THSD7B: variants seen among roughly 807,000 people sequenced by gnomAD.
THSD7B encodes thrombospondin type-1 domain-containing protein 7B.
In THSD7B, 138 loss-of-function variants were observed where a neutral mutation model predicts 213.6. The ratio of observed to expected loss-of-function variants is 0.65; its 90% CI spans 0.56 to 0.74. THSD7B has a LOEUF of 0.74. Ranked by LOEUF, THSD7B falls within the 30% of genes least tolerant of loss-of-function variation. The pLI is 0.00. For synonymous variants in THSD7B, 742 were observed against 687.0 expected (o/e 1.08, Z -1.25); for missense variants, 1,931 against 1,991.5 (o/e 0.97, Z 0.58).
intron 2 of THSD7B, among the ~76,000 whole-genome samples, chr2:136,978,731 CTT>C (rs1685527890): frequency 6.6e-6 from 1 of 152,244 alleles, no homozygotes; most frequent in Middle Eastern, 3.4e-3. Flanking sequence ...GGTCTTGACT[CTT>C]TATCCAGCTT....
chr2:136,973,928 ACCT>A (rs1298711918), intron 2 of THSD7B, among the ~76,000 whole-genome samples: 1 of 152,168 alleles, frequency 6.6e-6, no homozygotes, highest in Non-Finnish European at 1.5e-5. Flanking sequence ...GCATTGTGTA[ACCT>A]CCTATCTTGA....
At chr2:137,159,883 A>C (rs1237419258) in intron 5 of THSD7B, among the ~76,000 whole-genome samples, 1 of 152,124 alleles carries the variant, frequency 6.6e-6, no homozygotes, top group African/African-American at 2.4e-5. Context: ...TTGAAACTTC[A>C]CAAAGCCATT....
intron 12 of THSD7B, among the ~76,000 whole-genome samples, chr2:137,329,058 G>T (rs994587936): frequency 6.6e-6 from 1 of 152,206 alleles, no homozygotes; most frequent in Non-Finnish European, 1.5e-5. Context: ...AAATGTGGAA[G>T]TAACTTTGGA....
intron 5 of THSD7B, among the ~76,000 whole-genome samples, chr2:137,158,335 C>T (rs796281639): frequency 6.6e-6 from 1 of 152,176 alleles, no homozygotes; most frequent in South Asian, 2.1e-4. Flanking sequence ...GTTCCCATTT[C>T]AAGCACAATC....
chr2:137,564,317 CTATT>C (rs2105225311), intron 16 of THSD7B, among the ~76,000 whole-genome samples: 2 of 152,278 alleles, frequency 1.3e-5, no homozygotes, highest in African/African-American at 4.8e-5. Flanking sequence ...TACATACTCA[CTATT>C]TATGACAGTC....
At chr2:137,313,326 C>G (rs1322856043) in intron 12 of THSD7B, among the ~76,000 whole-genome samples, 1 of 152,028 alleles carries the variant, frequency 6.6e-6, no homozygotes, top group Non-Finnish European at 1.5e-5. Flanking sequence ...ATGAGGATTG[C>G]AACCCCTGCC....
intron 15 of THSD7B, among the ~76,000 whole-genome samples, chr2:137,546,386 T>TTATA (rs1553458960): frequency 3.0e-5 from 1 of 33,328 alleles, no homozygotes; most frequent in Non-Finnish European, 4.7e-5. Flanking sequence ...AATATATATA[T>TTATA]TATATATATT....
intron 4 of THSD7B, among the ~76,000 whole-genome samples, chr2:137,109,716 A>G (rs1445729130): frequency 6.6e-6 from 1 of 152,044 alleles, no homozygotes; most frequent in Admixed American, 6.5e-5. Context: ...TGGCAATGTG[A>G]GTGATGGGGA....
intron 2 of THSD7B, among the ~76,000 whole-genome samples, chr2:137,019,662 C>T (rs1030774249): frequency 1.3e-5 from 2 of 152,136 alleles, no homozygotes; most frequent in African/African-American, 4.8e-5. Flanking sequence ...TTTGTGAAGA[C>T]TTATAATTCT....
chr2:137,674,490 C>T (rs1343505772), intron 27 of THSD7B, among the ~76,000 whole-genome samples: 1 of 152,092 alleles, frequency 6.6e-6, no homozygotes, highest in Non-Finnish European at 1.5e-5. Context: ...TTTCTTAGCA[C>T]CTTTAAATGC....
chr2:137,105,863 G>C (rs1688237918), intron 4 of THSD7B, among the ~76,000 whole-genome samples: 1 of 152,098 alleles, frequency 6.6e-6, no homozygotes, highest in Non-Finnish European at 1.5e-5. Context: ...TCTTCAAGGA[G>C]AACTACAAAC....
chr2:137,205,562 G>C (rs1012398687), intron 7 of THSD7B, among the ~76,000 whole-genome samples: 1 of 151,764 alleles, frequency 6.6e-6, no homozygotes, highest in Admixed American at 6.6e-5. Context: ...TTTCTGTTTC[G>C]TATCACTATT....
chr2:136,830,615 C>T (rs1682737850), intron 1 of THSD7B, among the ~76,000 whole-genome samples: 1 of 152,062 alleles, frequency 6.6e-6, no homozygotes, highest in Non-Finnish European at 1.5e-5. Context: ...AATGTATTTT[C>T]TTCTTCTCTC....
Position 137,271,469 on chromosome 2 carries a change from TATATA to T in THSD7B, c.2267-1057_2267-1053del, listed in dbSNP as rs945865642. On this transcript the variant is annotated intron_variant, in intron 10 of 27. Coordinates refer to ENST00000409968, the MANE Select transcript of THSD7B (RefSeq NM_001316349.2). ...ATATATAATATAATATATAATATAA[TATATA>T]ATATAAAATCATATATATATTATTC... Among the ~76,000 whole-genome samples the T allele has an allele frequency of 7.2e-5, 9 of 125,398 alleles. 1 individual carries two copies. The highest frequency in any genetic ancestry group is 1.9e-4 in the African/African-American group (6 of 31,916). The allele number at this position is 125,398 out of a possible 152,430, so 82.3% of individuals were successfully genotyped here. A position where few individuals can be genotyped will look rare whatever the true frequency, so the allele number is the denominator to read the frequency against.
chr2:137,579,065 C>G (rs182029668), intron 17 of THSD7B, among the ~76,000 whole-genome samples: 139 of 152,222 alleles, frequency 9.1e-4, no homozygotes, highest in Non-Finnish European at 1.8e-3. Context: ...TCCTGGCTGA[C>G]AATATTTGGA....
intron 17 of THSD7B, among the ~76,000 whole-genome samples, 193 bp from the exon 18 acceptor site, chr2:137,615,980 CAA>C (rs1330550272): frequency 6.6e-6 from 1 of 152,066 alleles, no homozygotes; most frequent in South Asian, 2.1e-4. Flanking sequence ...ACAGGAAAAA[CAA>C]AAGAGTTGTC....
intron 1 of THSD7B, among the ~76,000 whole-genome samples, chr2:136,842,609 G>T (rs1682936753): frequency 6.6e-6 from 1 of 152,192 alleles, no homozygotes; most frequent in African/African-American, 2.4e-5. Context: ...ACATTTGGAA[G>T]TAAAGCACAA....
chr2:137,273,924 T>C (rs72852221), intron 11 of THSD7B, among the ~76,000 whole-genome samples: 14,703 of 152,094 alleles, frequency 0.097, 859 homozygotes, highest in Non-Finnish European at 0.13. Context: ...TTATTAGACA[T>C]TTTTATGAAC....
At chr2:137,302,112 A>G (rs1573944942) in intron 12 of THSD7B, among the ~76,000 whole-genome samples, 1 of 152,060 alleles carries the variant, frequency 6.6e-6, no homozygotes, top group Admixed American at 6.6e-5. Context: ...GGCCCTATAA[A>G]TGTTATGAGG....
Sources: allele counts gnomAD v4.1 joint callset (sites outside exome capture counted in the v4.1 genomes callset), GRCh38; gene constraint gnomAD v4.1.1; transcripts MANE v1.5; gene names NCBI Gene and HGNC (gene_info 2026-07-23, HGNC 2026-07-21).